OTUD7B: variants seen among roughly 807,000 people sequenced by gnomAD.
The protein encoded by OTUD7B is OTU domain-containing protein 7B.
Under a neutral mutation model 82.2 loss-of-function variants are expected in OTUD7B, and 34 were observed. The observed-to-expected ratio is 0.41, with a 90% CI of 0.31 to 0.55. The LOEUF (loss-of-function observed/expected upper bound fraction) is 0.55, where lower values mean the gene tolerates loss of function less well. Ranked by LOEUF, OTUD7B falls within the 20% of genes least tolerant of loss-of-function variation. The probability of loss-of-function intolerance (pLI) is 0.20; values close to 1 mark genes in which losing one functional copy is unlikely to be tolerated. For synonymous variants in OTUD7B, 398 were observed against 402.7 expected (o/e 0.99, Z 0.14); for missense variants, 944 against 1,062.1 (o/e 0.89, Z 1.55).
At chr1:149,999,925 C>A (rs1214515767) in intron 1 of OTUD7B, among the ~76,000 whole-genome samples, 1 of 152,160 alleles carries the variant, frequency 6.6e-6, no homozygotes, top group Non-Finnish European at 1.5e-5. Flanking sequence ...TTTCAAAGAA[C>A]TATTTTAGAA....
At chr1:150,057,518 G>A in the OTUD7B span, among the ~76,000 whole-genome samples, 3 of 152,210 alleles carry the variant, frequency 2.0e-5, no homozygotes, top group South Asian at 6.2e-4. Flanking sequence ...GAGGAGCTAA[G>A]AATAGTTCTC....
chr1:150,022,677 A>G, the OTUD7B span, among the ~76,000 whole-genome samples: 1 of 152,138 alleles, frequency 6.6e-6, no homozygotes, highest in African/African-American at 2.4e-5. Context: ...TGTCTCTAAA[A>G]CAGGCTTCTG....
the OTUD7B span, chr1:150,054,990 GT>G: frequency 6.8e-6 from 2 of 294,340 alleles, no homozygotes; most frequent in Non-Finnish European, 6.7e-6. Context: ...TCTGATCTGT[GT>G]TTGCCCCGAC....
chr1:150,031,156 G>A, the OTUD7B span, among the ~76,000 whole-genome samples: 24 of 152,144 alleles, frequency 1.6e-4, no homozygotes, highest in South Asian at 3.1e-3. Context: ...GAAATCTAAC[G>A]AATATTTGTT....
intron 2 of OTUD7B, among the ~76,000 whole-genome samples, chr1:149,975,140 A>C (rs1453010724): frequency 6.6e-6 from 1 of 152,168 alleles, no homozygotes; most frequent in African/African-American, 2.4e-5. Context: ...TTTATTCTGC[A>C]TAAACACTCT....
At chr1:149,953,770 TG>T (rs1648452688) in intron 7 of OTUD7B, among the ~76,000 whole-genome samples, 1 of 152,214 alleles carries the variant, frequency 6.6e-6, no homozygotes, top group African/African-American at 2.4e-5. Context: ...TCACATCCCT[TG>T]TAAGTTGGAT....
chr1:149,996,469 C>G (rs1191942017), intron 1 of OTUD7B, among the ~76,000 whole-genome samples: 3 of 152,166 alleles, frequency 2.0e-5, no homozygotes, highest in Non-Finnish European at 4.4e-5. Flanking sequence ...CATAATGTAA[C>G]AATGGTTGCA....
the OTUD7B span, among the ~76,000 whole-genome samples, chr1:150,025,402 C>T: frequency 4.0e-5 from 6 of 148,686 alleles, no homozygotes; most frequent in Admixed American, 4.0e-4. Flanking sequence ...GCAACAAGAG[C>T]GAAACTCTGT....
intron 1 of OTUD7B, among the ~76,000 whole-genome samples, chr1:149,984,122 A>G (rs1241523484): frequency 1.3e-5 from 2 of 152,136 alleles, no homozygotes; most frequent in African/African-American, 4.8e-5. Context: ...TCTTTGCTTT[A>G]GTACCTCAAT....
intron 2 of OTUD7B, among the ~76,000 whole-genome samples, chr1:149,973,489 G>T (rs1553777987): frequency 6.6e-6 from 1 of 151,544 alleles, no homozygotes; most frequent in Non-Finnish European, 1.5e-5. Flanking sequence ...TGTTGTTGTT[G>T]TTATTGTTGT....
intron 1 of OTUD7B, among the ~76,000 whole-genome samples, chr1:149,998,705 TA>T (rs1354856774): frequency 1.3e-5 from 2 of 152,230 alleles, no homozygotes; most frequent in Non-Finnish European, 2.9e-5. Flanking sequence ...TGTTCACAAA[TA>T]ATTAGTGAGT....
chr1:150,011,012 T>C (rs1653014662), upstream of OTUD7B, among the ~76,000 whole-genome samples: 1 of 152,102 alleles, frequency 6.6e-6, no homozygotes, highest in Admixed American at 6.5e-5. Context: ...GCTACAGCCG[T>C]TGGGAAGGAG....
intron 1 of OTUD7B, among the ~76,000 whole-genome samples, chr1:150,002,241 TGCC>T (rs1652344594): frequency 6.6e-6 from 1 of 152,000 alleles, no homozygotes; most frequent in Admixed American, 6.6e-5. Flanking sequence ...TTTTAATCAG[TGCC>T]CAATTTATCA....
the OTUD7B span, chr1:150,048,609 T>C: frequency 2.0e-5 from 3 of 151,536 alleles, no homozygotes; most frequent in Non-Finnish European, 4.4e-5. Context: ...AGCCCAAGAG[T>C]TCAAGGCTGC....
rs907247627 is a variant in OTUD7B at position 149,967,434 on chromosome 1, C to G, written c.362G>C (p.Gly121Ala). The G allele has an allele frequency of 6.2e-7, 1 of 1,614,038 alleles. No homozygotes were observed. Among genetic ancestry groups the G allele is most frequent in the Non-Finnish European group, 8.5e-7 (1 of 1,179,942 alleles). Residue 121 changes from glycine to alanine, a missense_variant, in exon 4 of 12, where the codon GGG (glycine) becomes GCG (alanine). Around this residue, in one of 3 missense-constraint regions of OTUD7B, gnomAD observed 530 missense variants for 625.6 expected, o/e 0.85. Transcript: ENST00000581312. Reference protein sequence around the residue: ...RSHVSSNGGGGGSNEHPLEMP... With the variant: ...RSHVSSNGGGAGSNEHPLEMP... ...TTCCAGGGGGTGCTCATTGCTCCCC[C>G]CACCCCCACCATTGGAGGAGACATG... is the stretch of plus-strand genomic sequence containing the variant.
chr1:149,990,376 T>C (rs1219123825), intron 1 of OTUD7B, among the ~76,000 whole-genome samples: 6 of 152,246 alleles, frequency 3.9e-5, no homozygotes, highest in Non-Finnish European at 7.3e-5. Context: ...TAGCACATAG[T>C]AGATGCCTAG....
chr1:150,044,278 G>C, the OTUD7B span, among the ~76,000 whole-genome samples: 4 of 151,756 alleles, frequency 2.6e-5, no homozygotes, highest in East Asian at 7.9e-4. Flanking sequence ...CATGATCTTG[G>C]CTCACTGCAA....
chr1:150,055,259 C>T, the OTUD7B span, among the ~76,000 whole-genome samples: 4 of 152,054 alleles, frequency 2.6e-5, no homozygotes, highest in African/African-American at 7.2e-5. Context: ...AAGATAGTCT[C>T]GATCTCCTGA....
Position 149,940,138 on chromosome 1 carries a change from G to A in OTUD7B, c.*3719C>T, listed in dbSNP as rs1160057499. ...CATTCAAAACCAGCTTTATTCTTTT[G>A]GGCTCAGTATCACCCCGCAGATATA... On this transcript the variant is annotated 3_prime_UTR_variant, in exon 12 of 12. Transcript: ENST00000581312. 2 of 151,902 alleles carry A rather than the reference G, an allele frequency of 1.3e-5. No homozygotes were observed. Among genetic ancestry groups the A allele is most frequent in the African/African-American group, 4.8e-5 (2 of 41,328 alleles). The allele number at this position is 151,902 out of a possible 1,614,324, so 9.4% of individuals were successfully genotyped here.
Sources: gnomAD v4.1 joint callset for allele counts (sites outside exome capture counted in the v4.1 genomes callset) on GRCh38, gnomAD v4.1.1 for gene constraint, gnomAD v4.1.1 regional missense constraint, MANE v1.5 for transcripts, NCBI Gene and HGNC (gene_info 2026-07-23, HGNC 2026-07-21) for gene names.